PLXNA1: variants seen among roughly 807,000 people sequenced by gnomAD.
The protein encoded by PLXNA1 is plexin A1.
PLXNA1 carries 77 observed loss-of-function variants against 191.7 expected under a neutral mutation model. That is an observed-to-expected ratio of 0.40 (90% CI 0.33 to 0.49). PLXNA1 has a LOEUF of 0.49. PLXNA1 is among the 20% of genes least tolerant of loss of function. PLXNA1 has a pLI of 0.63. For missense variants in PLXNA1, 2,110 were observed against 2,660.2 expected (o/e 0.79, Z 4.55); for synonymous variants, 1,137 against 1,156.4 (o/e 0.98, Z 0.34).
intron 19 of PLXNA1, 110 bp from the exon 20 acceptor site, chr3:127,018,183 TG>T: frequency 9.6e-7 from 1 of 1,044,654 alleles, no homozygotes; most frequent in Non-Finnish European, 1.4e-6. Flanking sequence ...CCCCTGTCGG[TG>T]GGACCTTTCC....
intron 23 of PLXNA1, chr3:127,027,601 C>A: frequency 2.1e-6 from 1 of 470,946 alleles, no homozygotes; most frequent in Non-Finnish European, 4.2e-6. Flanking sequence ...CCTGCTGAGA[C>A]CAGGGGAGAC....
rs1171076118 is a variant in PLXNA1, at chr3:127,009,455, CTT to C, written c.2112+1549_2112+1550del. On this transcript the variant is annotated intron_variant, in intron 9 of 31. Transcript: ENST00000393409. Reference sequence around the variant, plus strand: ...TGGATTCTCTCCACAAATACTTACTCTTTTTTTTAGCTTGAGTCCCAGATTTT... The same window carrying C: ...TGGATTCTCTCCACAAATACTTACTCTTTTTTAGCTTGAGTCCCAGATTTT... 4.6e-5 allele frequency among the ~76,000 whole-genome samples: 7 copies of C among 151,878 alleles called. No homozygotes were observed. The East Asian group carries it at 1.4e-3, about 30-fold the overall frequency.
Position 127,022,356 on chromosome 3 carries a change from C to A in PLXNA1, c.4295+15C>A, listed in dbSNP as rs1489148853. ...CTACTGCGCCGGTGAGCCTGGGGGG[C>A]ACTGGGGTTGGGGGAGGCAGGCCCA... On this transcript the variant is annotated intron_variant, in intron 22 of 31. Transcript: ENST00000393409. The A allele has an allele frequency of 1.2e-6, 2 of 1,602,152 alleles. No homozygotes were observed. Among genetic ancestry groups the A allele is most frequent in the African/African-American group, 2.7e-5 (2 of 74,734 alleles).
intron 25 of PLXNA1, chr3:127,028,642 C>T (rs2079189064): frequency 1.1e-5 from 6 of 521,750 alleles, no homozygotes; most frequent in Middle Eastern, 5.0e-4. Context: ...CATTGAGGGC[C>T]AGAGGGGATG....
intron 20 of PLXNA1, among the ~76,000 whole-genome samples, chr3:127,018,864 G>T (rs2079139069): frequency 2.0e-5 from 3 of 152,226 alleles, no homozygotes; most frequent in African/African-American, 7.2e-5. Context: ...TGGGCACAAT[G>T]ACAGTGCCTA....
chr3:127,018,438 C>T lies in PLXNA1; in HGVS notation c.3805C>T (p.Arg1269Cys). ...VIVAVLIAYKRKSRDADRTLK... is the reference protein window; with the variant it reads ...VIVAVLIAYKCKSRDADRTLK... ...CGTGGCTGTGCTCATCGCCTACAAG[C>T]GCAAGTCACGAGATGCTGACCGCAC... The change falls in exon 20 of 32, where the codon CGC (arginine) becomes TGC (cysteine). Residue 1269 changes from arginine to cysteine, a missense_variant. Physicochemically the swap from Arg to Cys is radical, Grantham distance 180 (BLOSUM62 -3). Transcript: ENST00000393409. The T allele has an allele frequency of 2.5e-6, 4 of 1,613,030 alleles. No individual in the cohort carries two copies. Among genetic ancestry groups the T allele is most frequent in the Non-Finnish European group, 3.4e-6 (4 of 1,179,988 alleles).
At chr3:127,015,392 TG>T in intron 15 of PLXNA1, 72 bp downstream of exon 15, 1 of 1,536,872 alleles carries the variant, frequency 6.5e-7, no homozygotes, top group Non-Finnish European at 8.7e-7. Context: ...TGCCCCTTCT[TG>T]TTGCCTGGGC....
chr3:127,004,918 C>T lies in PLXNA1; in HGVS notation c.1653C>T (p.Asp551=), dbSNP rs147582354. ...GGCGGGACGCCTGTGAGCGAGCAGA[C>T]GAGCCCCAGCGCTTTGCTGCGGACC... ...CSRRDACERA[D]EPQRFAADLL... Residue 551 remains aspartate, a synonymous_variant, in exon 6 of 32, where the codon GAC becomes GAT. Transcript: ENST00000393409. 3.1e-4 allele frequency: 504 copies of T among 1,606,216 alleles called. 1 individual carries two copies. The highest frequency in any genetic ancestry group is 2.8e-3 in the African/African-American group (212 of 74,948).
chr3:126,988,470 A>G (rs986964186), intron 1 of PLXNA1, 51 bp from the exon 2 acceptor site: 6 of 861,914 alleles, frequency 7.0e-6, no homozygotes, highest in African/African-American at 5.1e-5. Flanking sequence ...TCATAATATC[A>G]TGGGATGGGC....
intron 29 of PLXNA1, among the ~76,000 whole-genome samples, chr3:127,031,569 C>T (rs181490890): frequency 7.0e-4 from 107 of 152,322 alleles, no homozygotes; most frequent in African/African-American, 2.0e-3. Flanking sequence ...TGCTGGCTCC[C>T]GGGCCAGCAG....
Position 127,020,183 on chromosome 3 carries a change from A to T in PLXNA1, c.3896-19A>T, listed in dbSNP as rs768349352. The T allele has an allele frequency of 1.2e-6, 2 of 1,611,262 alleles. No individual in the cohort carries two copies. Among genetic ancestry groups the T allele is most frequent in the East Asian group, 4.5e-5 (2 of 44,826 alleles). ...GGGCCACCAGGGCATGCTGCCCCTG[A>T]CGCCGCATCTGGCCACAGCCTTTGC... On this transcript the variant is annotated intron_variant, in intron 20 of 31. Coordinates refer to ENST00000393409, the MANE Select transcript of PLXNA1 (RefSeq NM_032242.4).
chr3:127,025,376 CTTTA>C (rs1220091280), intron 23 of PLXNA1, among the ~76,000 whole-genome samples: 1 of 152,128 alleles, frequency 6.6e-6, no homozygotes, highest in Non-Finnish European at 1.5e-5. Flanking sequence ...TTGAAGGTTC[CTTTA>C]TTTATTTTCA....
chr3:127,002,695 C>T (rs1455648837), intron 3 of PLXNA1, among the ~76,000 whole-genome samples: 1 of 152,248 alleles, frequency 6.6e-6, no homozygotes, highest in Non-Finnish European at 1.5e-5. Flanking sequence ...TAATTAAATA[C>T]ATTTGTTTGG....
chr3:127,000,441 G>A (rs867274110), intron 3 of PLXNA1, among the ~76,000 whole-genome samples: 3 of 152,166 alleles, frequency 2.0e-5, no homozygotes, highest in African/African-American at 4.8e-5. Context: ...GCTCCCGGCC[G>A]GCGTGTGCCC....
At chr3:126,993,163 G>A (rs766937813) in intron 3 of PLXNA1, among the ~76,000 whole-genome samples, 1 of 152,160 alleles carries the variant, frequency 6.6e-6, no homozygotes, top group South Asian at 2.1e-4. Flanking sequence ...GTGCCAGTTG[G>A]CCTGTCTCCC....
Position 127,012,081 on chromosome 3 carries a change from T to G in PLXNA1, c.2236T>G (p.Phe746Val), listed in dbSNP as rs1251945006. The G allele has an allele frequency of 3.1e-6, 5 of 1,613,772 alleles. No individual in the cohort carries two copies. The South Asian group carries it at 4.4e-5, about 14-fold the overall frequency. ...QSGQRGYECL[F>V]HIPGSPARVT... ...AGGCCAGCGTGGATATGAGTGCCTC[T>G]TCCACATCCCGGGCAGCCCGGCCCG... is the stretch of plus-strand genomic sequence containing the variant. The change falls in exon 10 of 32, where the codon TTC becomes GTC. Residue 746 changes from phenylalanine (F) to valine (V), a missense_variant. This residue lies in a region of PLXNA1 where 644 missense variants were observed against 714.3 expected (regional missense o/e 0.90). Coordinates refer to ENST00000393409, the MANE Select transcript of PLXNA1 (RefSeq NM_032242.4).
intron 22 of PLXNA1, 133 bp downstream of exon 22, chr3:127,022,474 C>T: frequency 8.5e-7 from 1 of 1,179,558 alleles, no homozygotes; most frequent in Non-Finnish European, 1.2e-6. Flanking sequence ...CACCTGGCCT[C>T]TGAGGCTCAG....
In PLXNA1 at chr3:127,005,027, G is replaced by T. The variant is rs1361392030; in HGVS notation, c.1743+19G>T. ...GGTCCCAGTAAGTGTGGCACCCCAG[G>T]TGGTAAGGGGTGGGGGACAGCCATG... On this transcript the variant is annotated intron_variant, in intron 6 of 31. Transcript: ENST00000393409. The T allele has an allele frequency of 6.2e-7, 1 of 1,608,732 alleles. No homozygotes were observed. Among genetic ancestry groups the T allele is most frequent in the African/African-American group, 1.3e-5 (1 of 74,868 alleles).
At chr3:127,018,668 A>G in intron 20 of PLXNA1, 140 bp downstream of exon 20, 1 of 720,564 alleles carries the variant, frequency 1.4e-6, no homozygotes, top group Non-Finnish European at 2.3e-6. Flanking sequence ...GCTGTGCCAG[A>G]GCTGGTCCCA....
Sources: gnomAD v4.1 joint callset for allele counts (sites outside exome capture counted in the v4.1 genomes callset) on GRCh38, gnomAD v4.1.1 for gene constraint, gnomAD v4.1.1 regional missense constraint, MANE v1.5 for transcripts, NCBI Gene and HGNC (gene_info 2026-07-23, HGNC 2026-07-21) for gene names.